The following FAF1 variants were observed in gnomAD, a reference collection of about 807,000 sequenced individuals.
FAF1 encodes the protein FAS-associated factor 1.
FAF1 carries 25 observed loss-of-function variants against 92.5 expected under a neutral mutation model. That is an observed-to-expected ratio of 0.27 (90% CI 0.20 to 0.38). FAF1 has a LOEUF of 0.38. Among genes scored for constraint, FAF1 ranks in the 10% least tolerant of loss-of-function variants. The pLI is 1.00. For missense variants in FAF1, 636 were observed against 793.3 expected (o/e 0.80, Z 2.38); for synonymous variants, 234 against 273.2 (o/e 0.86, Z 1.42).
intron 17 of FAF1, among the ~76,000 whole-genome samples, chr1:50,483,309 C>A (rs1385966855): frequency 1.3e-5 from 2 of 152,144 alleles, no homozygotes; most frequent in East Asian, 3.9e-4. Context: ...AATCAATTGA[C>A]CATATATGTG....
At chr1:50,952,779 G>A (rs1645228786) in intron 1 of FAF1, among the ~76,000 whole-genome samples, 1 of 150,562 alleles carries the variant, frequency 6.6e-6, no homozygotes, top group African/African-American at 2.4e-5. Context: ...GGGAGGTGAG[G>A]AGCATCTCTG....
chr1:50,916,178 GA>G (rs1171727167), intron 1 of FAF1, among the ~76,000 whole-genome samples: 4 of 152,316 alleles, frequency 2.6e-5, no homozygotes, highest in African/African-American at 9.6e-5. Context: ...AGGAAGGGTA[GA>G]ATGCAGGACA....
intron 4 of FAF1, among the ~76,000 whole-genome samples, chr1:50,756,118 C>G (rs1307016881): frequency 6.6e-6 from 1 of 152,154 alleles, no homozygotes; most frequent in Non-Finnish European, 1.5e-5. Context: ...ATGGGATTTT[C>G]TTTTCTATCA....
At chr1:50,672,695 T>TA (rs1381686926) in intron 7 of FAF1, among the ~76,000 whole-genome samples, 1 of 152,222 alleles carries the variant, frequency 6.6e-6, no homozygotes, top group East Asian at 1.9e-4. Context: ...AGACTATTGA[T>TA]AAACTAGATA....
At chr1:50,475,729 G>A in intron 17 of FAF1, 50 bp from the exon 18 acceptor site, 11 of 1,243,402 alleles carry the variant, frequency 8.8e-6, no homozygotes, top group South Asian at 1.4e-5. Context: ...ACTGGACTAT[G>A]GAGAGTGGGG....
intron 18 of FAF1, among the ~76,000 whole-genome samples, chr1:50,458,062 A>AAC (rs1237139284): frequency 3.3e-5 from 5 of 151,426 alleles, no homozygotes; most frequent in Admixed American, 6.6e-5. Flanking sequence ...AAAAATACAA[A>AAC]ATTAGCCAGG....
intron 2 of FAF1, among the ~76,000 whole-genome samples, chr1:50,851,672 A>G (rs1218192499): frequency 6.6e-6 from 1 of 152,172 alleles, no homozygotes; most frequent in Non-Finnish European, 1.5e-5. Flanking sequence ...ACTGTTGTCT[A>G]CCATAGATTT....
At chr1:50,695,578 C>G (rs1046342031) in intron 7 of FAF1, among the ~76,000 whole-genome samples, 3 of 152,050 alleles carry the variant, frequency 2.0e-5, no homozygotes, top group African/African-American at 7.2e-5. Flanking sequence ...TCTTTAAAAT[C>G]TATAAAATGG....
intron 1 of FAF1, among the ~76,000 whole-genome samples, chr1:50,865,265 T>C (rs1570071779): frequency 6.6e-6 from 1 of 152,110 alleles, no homozygotes; most frequent in Non-Finnish European, 1.5e-5. Context: ...TCAACCACTG[T>C]GGAAGACAGT....
chr1:50,584,499 A>C lies in FAF1; in HGVS notation c.967+186T>G, dbSNP rs943858987. Among the ~76,000 whole-genome samples, 3 of 152,152 alleles carry C rather than the reference A, an allele frequency of 2.0e-5. No homozygotes were observed. The East Asian group carries it at 5.8e-4, about 29-fold the overall frequency. Reference sequence around the variant, plus strand: ...AATGAATTTTCCTAATGCACTGAGAATTTTTGAGTTTAATAAAATCTAAAT... The same window carrying C: ...AATGAATTTTCCTAATGCACTGAGACTTTTTGAGTTTAATAAAATCTAAAT... On this transcript the variant is annotated intron_variant, in intron 10 of 18. Transcript: ENST00000396153.
intron 7 of FAF1, among the ~76,000 whole-genome samples, chr1:50,665,577 A>C (rs1049453551): frequency 2.0e-5 from 3 of 152,200 alleles, no homozygotes; most frequent in Non-Finnish European, 4.4e-5. Flanking sequence ...TCTGTCCATA[A>C]AGTTACACTG....
chr1:50,884,280 C>T (rs181760532), intron 1 of FAF1, among the ~76,000 whole-genome samples: 5 of 151,566 alleles, frequency 3.3e-5, no homozygotes, highest in East Asian at 1.9e-4. Flanking sequence ...TTTGGGAGGC[C>T]GAGGCGGATG....
At chr1:50,793,690 T>C (rs538101098) in intron 3 of FAF1, among the ~76,000 whole-genome samples, 1 of 152,334 alleles carries the variant, frequency 6.6e-6, no homozygotes, top group South Asian at 2.1e-4. Context: ...CACAGCAGGG[T>C]AGACTAATAC....
chr1:50,730,821 T>C lies in FAF1; in HGVS notation c.551+8042A>G, dbSNP rs146174806. ...GGTATTTGCTCTTGAACTTCCCTTATATATATTGCTAGTTGCTACACGCTT... is the reference window on the plus strand; with the variant it reads ...GGTATTTGCTCTTGAACTTCCCTTACATATATTGCTAGTTGCTACACGCTT... On this transcript the variant is annotated intron_variant, in intron 6 of 18. Transcript: ENST00000396153. 8.4e-3 allele frequency among the ~76,000 whole-genome samples: 1,285 copies of C among 152,310 alleles called. 17 individuals carry two copies. Among genetic ancestry groups the C allele is most frequent in the Non-Finnish European group, 8.4e-3 (572 of 68,018 alleles).
intron 8 of FAF1, among the ~76,000 whole-genome samples, chr1:50,637,273 TAA>T (rs1172030649): frequency 3.0e-4 from 29 of 97,220 alleles, no homozygotes; most frequent in Non-Finnish European, 3.6e-4. Context: ...CCATTTCTAC[TAA>T]AAAAAAAAAA....
At chr1:50,893,330 G>GAAGACTTTCCAGGTATTGGA (rs1644733842) in intron 1 of FAF1, among the ~76,000 whole-genome samples, 1 of 152,118 alleles carries the variant, frequency 6.6e-6, no homozygotes, top group South Asian at 2.1e-4. Flanking sequence ...CTGTCCTTGG[G>GAAGACTTTCCAGGTATTGGA]AAGACTTTCC....
intron 8 of FAF1, among the ~76,000 whole-genome samples, chr1:50,617,201 C>T (rs1205305430): frequency 3.3e-5 from 5 of 152,188 alleles, no homozygotes; most frequent in African/African-American, 1.2e-4. Flanking sequence ...TGAGAGTAGG[C>T]ATCCTTGTAT....
At chr1:50,879,386 G>A (rs373179755) in intron 1 of FAF1, among the ~76,000 whole-genome samples, 20 of 152,168 alleles carry the variant, frequency 1.3e-4, no homozygotes, top group African/African-American at 4.1e-4. Flanking sequence ...ATACAAAGAT[G>A]ACCATATATT....
chr1:50,537,329 C>T (rs1238182308), intron 14 of FAF1, among the ~76,000 whole-genome samples: 5 of 152,162 alleles, frequency 3.3e-5, no homozygotes, highest in African/African-American at 1.2e-4. Context: ...CCAAACTGGA[C>T]TTGTAGGTAC....
Sources: allele counts gnomAD v4.1 joint callset (sites outside exome capture counted in the v4.1 genomes callset), GRCh38; gene constraint gnomAD v4.1.1; transcripts MANE v1.5; gene names NCBI Gene and HGNC (gene_info 2026-07-23, HGNC 2026-07-21).